LRPAP1: variants seen among roughly 807,000 people sequenced by gnomAD.
LRPAP1 encodes LDL receptor related protein associated protein 1.
In LRPAP1, 41 loss-of-function variants were observed where a neutral mutation model predicts 39.9. The ratio of observed to expected loss-of-function variants is 1.03; its 90% CI spans 0.80 to 1.33. LRPAP1 has a LOEUF of 1.33. Among genes scored for constraint, LRPAP1 ranks in the 40% most tolerant of loss-of-function variants. LRPAP1 has a pLI of 0.00. For synonymous variants in LRPAP1, 263 were observed against 212.7 expected (o/e 1.24, Z -2.06); for missense variants, 565 against 482.3 (o/e 1.17, Z -1.61).
intron 1 of LRPAP1, among the ~76,000 whole-genome samples, chr4:3,527,245 C>T (rs547983303): frequency 6.6e-6 from 1 of 152,232 alleles, no homozygotes; most frequent in East Asian, 1.9e-4. Flanking sequence ...GCCCCATCCA[C>T]CCAGCCCCTT....
chr4:3,526,442 A>G (rs1254304873), intron 1 of LRPAP1, among the ~76,000 whole-genome samples: 1 of 152,264 alleles, frequency 6.6e-6, no homozygotes, highest in Non-Finnish European at 1.5e-5. Context: ...ATTTTCTAAC[A>G]TAAATACAAC....
At chr4:3,518,736 C>G (rs545655731) in intron 4 of LRPAP1, 135 bp downstream of exon 4, 2 of 608,940 alleles carry the variant, frequency 3.3e-6, no homozygotes, top group South Asian at 2.2e-5. Flanking sequence ...GCGTCTGGTG[C>G]CGCCTCCCTG....
At chr4:3,517,869 G>A in intron 5 of LRPAP1, 165 bp downstream of exon 5, 1 of 735,838 alleles carries the variant, frequency 1.4e-6, no homozygotes, top group Non-Finnish European at 2.1e-6. Flanking sequence ...CAGCTCCTGG[G>A]AGCGAGGCCT....
rs904174758 is a variant in LRPAP1 at position 3,506,142 on chromosome 4, A to C, written c.*6832T>G. 6.6e-6 allele frequency among the ~76,000 whole-genome samples: 1 copy of C among 151,990 alleles called. No individual in the cohort carries two copies. Among genetic ancestry groups the C allele is most frequent in the Non-Finnish European group, 1.5e-5 (1 of 67,998 alleles). ...CAATGGCACGATTTTGGCTCACTGC[A>C]AACTCTGTCTCCCAGCTTCAAGTGA... is the stretch of plus-strand genomic sequence containing the variant. On this transcript the variant is annotated 3_prime_UTR_variant, in exon 8 of 8. Coordinates refer to ENST00000650182, the MANE Select transcript of LRPAP1 (RefSeq NM_002337.4).
intron 1 of LRPAP1, among the ~76,000 whole-genome samples, chr4:3,525,707 C>T (rs371594303): frequency 6.6e-5 from 10 of 152,326 alleles, no homozygotes; most frequent in East Asian, 5.8e-4. Context: ...CATCCCTCTC[C>T]GCAGGGCAGG....
Position 3,506,220 on chromosome 4 carries a change from C to G in LRPAP1, c.*6754G>C, listed in dbSNP as rs1729349998. Among the ~76,000 whole-genome samples, 1 of 152,024 alleles carries G rather than the reference C, an allele frequency of 6.6e-6. No homozygotes were observed. The highest frequency in any genetic ancestry group is 1.5e-5 in the Non-Finnish European group (1 of 67,998). ...TGGGATTATAGGCAGATGCTGCCAC[C>G]ACTCCTGGTTAATTTTTGTATTTTT... On this transcript the variant is annotated 3_prime_UTR_variant, in exon 8 of 8. Coordinates refer to ENST00000650182, the MANE Select transcript of LRPAP1 (RefSeq NM_002337.4).
intron 1 of LRPAP1, 194 bp downstream of exon 1, chr4:3,532,015 A>T: frequency 1.6e-6 from 1 of 631,396 alleles, no homozygotes; most frequent in Non-Finnish European, 2.6e-6. Context: ...CGGCACGGGT[A>T]CCTTTCCTGC....
chr4:3,519,497 G>T (rs1729842848), intron 3 of LRPAP1, among the ~76,000 whole-genome samples: 1 of 152,236 alleles, frequency 6.6e-6, no homozygotes, highest in Non-Finnish European at 1.5e-5. Context: ...ATTGAGCTGA[G>T]ACTGGGCTAG....
At chr4:3,522,375 T>G (rs1327399833) in intron 2 of LRPAP1, among the ~76,000 whole-genome samples, 1 of 152,210 alleles carries the variant, frequency 6.6e-6, no homozygotes, top group Non-Finnish European at 1.5e-5. Flanking sequence ...GCAGGGACTA[T>G]GGAAGGTTCT....
rs950263678 is a variant in LRPAP1, at chr4:3,519,094, G to C, written c.472-103C>G. The C allele has an allele frequency of 4.6e-6, 7 of 1,526,590 alleles. No homozygotes were observed. The South Asian group carries it at 6.5e-5, about 14-fold the overall frequency. 94.6% of individuals were successfully genotyped at this position (1,526,590 alleles called of 1,614,324 possible). On this transcript the variant is annotated intron_variant, in intron 3 of 7. Transcript: ENST00000650182. ...CATGGCCAGGCAGGCCCTTGCCTAC[G>C]TGAGTGCCAGGCCAGGTTCTTGGCC... is the stretch of plus-strand genomic sequence containing the variant.
rs749601404 is a variant in LRPAP1, at chr4:3,507,867, G to A, written c.*5107C>T. 2 of 152,228 alleles carry A rather than the reference G, an allele frequency of 1.3e-5. No individual in the cohort carries two copies. Among genetic ancestry groups the A allele is most frequent in the Non-Finnish European group, 1.5e-5 (1 of 68,042 alleles). 9.4% of individuals were successfully genotyped at this position (152,228 alleles called of 1,614,324 possible). A position where few individuals can be genotyped will look rare whatever the true frequency, so the allele number is the denominator to read the frequency against. ...GGGAAAAGAAAACACAAATGGCCCA[G>A]AGCAGGAATGAGAATGGACATCACT... On this transcript the variant is annotated 3_prime_UTR_variant, in exon 8 of 8. Coordinates refer to ENST00000650182, the MANE Select transcript of LRPAP1 (RefSeq NM_002337.4).
chr4:3,516,604 C>A (rs1307328377), intron 5 of LRPAP1, among the ~76,000 whole-genome samples: 3 of 152,258 alleles, frequency 2.0e-5, no homozygotes, highest in African/African-American at 7.2e-5. Context: ...CAGACGCAGG[C>A]ACAGGCCGTT....
At chr4:3,527,749 G>A (rs1307800435) in intron 1 of LRPAP1, among the ~76,000 whole-genome samples, 2 of 152,224 alleles carry the variant, frequency 1.3e-5, no homozygotes, top group Non-Finnish European at 2.9e-5. Context: ...GGAAAGCGGA[G>A]CTGAAGACCC....
intron 1 of LRPAP1, among the ~76,000 whole-genome samples, chr4:3,530,128 T>C (rs992620008): frequency 3.3e-5 from 5 of 152,210 alleles, no homozygotes; most frequent in Non-Finnish European, 7.3e-5. Flanking sequence ...TCTCTCCCCC[T>C]ACGTTTGAAC....
chr4:3,522,566 C>G (rs55668524), intron 2 of LRPAP1, among the ~76,000 whole-genome samples: 1 of 22,798 alleles, frequency 4.4e-5, no homozygotes, highest in African/African-American at 1.0e-4. Flanking sequence ...ACAGACGCCA[C>G]CCCACACTCC....
rs1729393398 is a variant in LRPAP1 at position 3,507,655 on chromosome 4, T to C, written c.*5319A>G. The C allele has an allele frequency of 6.6e-6, 1 of 151,130 alleles. No individual in the cohort carries two copies. The highest frequency in any genetic ancestry group is 1.9e-4 in the East Asian group (1 of 5,150). 9.4% of individuals were successfully genotyped at this position (151,130 alleles called of 1,614,324 possible). ...TCTTCATCAATGATCTAAGCCTCTA[T>C]CAAAAGAACCTAAAACAAGGACAGC... is the stretch of plus-strand genomic sequence containing the variant. On this transcript the variant is annotated 3_prime_UTR_variant, in exon 8 of 8. Transcript: ENST00000650182.
At position 3,520,173 on chromosome 4, in the gene LRPAP1, G is replaced by A; in HGVS notation, c.370C>T (p.Leu124=). The change falls in exon 3 of 8, where the codon CTG becomes TTG. Residue 124 remains leucine (L), a synonymous_variant. Transcript: ENST00000650182. ...NLNVILAKYG[L]DGKKDARQVT... ...TGCCGAGCGTCCTTCTTTCCGTCCA[G>A]ACCATACTTGGCCAAGATGACTAGG... The A allele has an allele frequency of 1.2e-6, 2 of 1,614,070 alleles. No individual in the cohort carries two copies. The highest frequency in any genetic ancestry group is 1.1e-5 in the South Asian group (1 of 91,068).
Position 3,512,618 on chromosome 4 carries a change from G to A in LRPAP1, c.*356C>T, listed in dbSNP as rs535992718. 127 of 261,974 alleles carry A rather than the reference G, an allele frequency of 4.8e-4. 1 individual carries two copies. Among genetic ancestry groups the A allele is most frequent in the Non-Finnish European group, 8.2e-4 (112 of 136,212 alleles). 16.2% of individuals were successfully genotyped at this position (261,974 alleles called of 1,614,324 possible). On this transcript the variant is annotated 3_prime_UTR_variant, in exon 8 of 8. Coordinates refer to ENST00000650182, the MANE Select transcript of LRPAP1 (RefSeq NM_002337.4). ...TAAGGACTCTGTGCATGGTATTTCC[G>A]GTGGCAGATGTGTAAGATTTTTTAT...
At chr4:3,525,123 G>C in intron 1 of LRPAP1, 72 bp from the exon 2 acceptor site, 1 of 1,580,520 alleles carries the variant, frequency 6.3e-7, no homozygotes, top group Non-Finnish European at 8.6e-7. Flanking sequence ...ACTGACCTCG[G>C]AGGAGGCTGG....
Sources: gnomAD v4.1 joint callset for allele counts (sites outside exome capture counted in the v4.1 genomes callset) on GRCh38, gnomAD v4.1.1 for gene constraint, MANE v1.5 for transcripts, NCBI Gene and HGNC (gene_info 2026-07-23, HGNC 2026-07-21) for gene names.